The following MAML3 variants were observed in gnomAD, a reference collection of about 807,000 sequenced individuals.
MAML3 encodes mastermind like transcriptional coactivator 3.
In MAML3, 27 loss-of-function variants were observed where a neutral mutation model predicts 101.9. The observed-to-expected ratio is 0.27, with a 90% CI of 0.20 to 0.37. MAML3 has a LOEUF of 0.37. MAML3 is among the 10% of genes least tolerant of loss of function. The pLI is 1.00. For synonymous variants in MAML3, 501 were observed against 555.9 expected (o/e 0.90, Z 1.39); for missense variants, 1,316 against 1,444.9 (o/e 0.91, Z 1.45).
chr4:140,101,972 C>G (rs571965116), intron 1 of MAML3, among the ~76,000 whole-genome samples: 1 of 144,204 alleles, frequency 6.9e-6, no homozygotes, highest in South Asian at 2.3e-4. Flanking sequence ...CAAGTTAGAA[C>G]CAGAAGAAGT....
chr4:140,127,187 C>T (rs956966110), intron 1 of MAML3, among the ~76,000 whole-genome samples: 2 of 152,216 alleles, frequency 1.3e-5, no homozygotes, highest in African/African-American at 2.4e-5. Flanking sequence ...CACCACTTTA[C>T]GTCCTGAGCT....
intron 1 of MAML3, among the ~76,000 whole-genome samples, chr4:139,940,647 C>T (rs1287728124): frequency 6.6e-6 from 1 of 152,166 alleles, no homozygotes; most frequent in Non-Finnish European, 1.5e-5. Context: ...CGAATGAGCC[C>T]CGATACTCAT....
chr4:139,723,969 G>A (rs1225661526), intron 4 of MAML3, among the ~76,000 whole-genome samples: 3 of 152,276 alleles, frequency 2.0e-5, no homozygotes, highest in East Asian at 3.9e-4. Flanking sequence ...TAAAGTTTGA[G>A]AACTACAGAT....
rs532431138 is a variant in MAML3 at position 139,921,546 on chromosome 4, C to T, written c.469-30579G>A. Among the ~76,000 whole-genome samples the T allele has an allele frequency of 5.3e-5, 8 of 152,156 alleles. No homozygotes were observed. The East Asian group carries it at 7.7e-4, about 15-fold the overall frequency. On this transcript the variant is annotated intron_variant, in intron 1 of 4. Coordinates refer to ENST00000509479, the MANE Select transcript of MAML3 (RefSeq NM_018717.5). ...CTTCCTCTGGCACTGCCAACGTTAA[C>T]GCCGATCTGTGGGGAGACTGCAATT...
chr4:139,930,371 T>A (rs1429923220), intron 1 of MAML3, among the ~76,000 whole-genome samples: 1 of 152,132 alleles, frequency 6.6e-6, no homozygotes, highest in African/African-American at 2.4e-5. Context: ...GACCGTTCGC[T>A]GGGCTTCACT....
Position 139,977,664 on chromosome 4 carries a change from T to G in MAML3, c.469-86697A>C, listed in dbSNP as rs188670238. 4.5e-3 allele frequency among the ~76,000 whole-genome samples: 688 copies of G among 152,042 alleles called. 5 individuals carry two copies. The highest frequency in any genetic ancestry group is 0.017 in the Middle Eastern group (5 of 294). ...GAGGCGGTTGGATCACCTGAGGTCA[T>G]GAGTTCGAGACCAGCCCAGCCAACA... On this transcript the variant is annotated intron_variant, in intron 1 of 4. Transcript: ENST00000509479.
At chr4:139,720,624 C>A (rs977794247) in intron 4 of MAML3, among the ~76,000 whole-genome samples, 2 of 152,150 alleles carry the variant, frequency 1.3e-5, no homozygotes, top group African/African-American at 4.8e-5. Context: ...AAATTGGGAT[C>A]GTACTGTGCA....
intron 1 of MAML3, among the ~76,000 whole-genome samples, chr4:139,981,831 C>T (rs1040505418): frequency 6.6e-6 from 1 of 152,052 alleles, no homozygotes; most frequent in Non-Finnish European, 1.5e-5. Flanking sequence ...TGACTAGACC[C>T]GTGTTATAGA....
In MAML3 at chr4:139,921,846, G is replaced by C. The variant is rs987781343; in HGVS notation, c.469-30879C>G. ...GCTTGTTTAAACACTGGAGCTGTTTGCATTGCTGCGGCTCACTGCATGTTA... is the reference window on the plus strand; with the variant it reads ...GCTTGTTTAAACACTGGAGCTGTTTCCATTGCTGCGGCTCACTGCATGTTA... On this transcript the variant is annotated intron_variant, in intron 1 of 4. Coordinates refer to ENST00000509479, the MANE Select transcript of MAML3 (RefSeq NM_018717.5). Among the ~76,000 whole-genome samples, 7 of 152,200 alleles carry C rather than the reference G, an allele frequency of 4.6e-5. No individual in the cohort carries two copies. The East Asian group carries it at 1.3e-3, about 29-fold the overall frequency.
At chr4:139,799,295 G>T (rs1282780664) in intron 2 of MAML3, among the ~76,000 whole-genome samples, 2 of 152,152 alleles carry the variant, frequency 1.3e-5, no homozygotes, top group African/African-American at 4.8e-5. Context: ...ATTTGTTTGG[G>T]ATCAACCGTC....
intron 2 of MAML3, among the ~76,000 whole-genome samples, chr4:139,859,295 C>CA (rs1560816243): frequency 6.6e-6 from 1 of 150,492 alleles, no homozygotes; most frequent in African/African-American, 2.5e-5. Context: ...GGCATGATCA[C>CA]GGCTCACTGC....
chr4:139,977,751 T>A (rs1404977784), intron 1 of MAML3, among the ~76,000 whole-genome samples: 1 of 151,996 alleles, frequency 6.6e-6, no homozygotes, highest in Non-Finnish European at 1.5e-5. Flanking sequence ...CATGTGCCTG[T>A]AATCCAAGCT....
chr4:140,003,998 T>C lies in MAML3; in HGVS notation c.469-113031A>G, dbSNP rs141677718. On this transcript the variant is annotated intron_variant, in intron 1 of 4. Transcript: ENST00000509479. ...CAAGAGAATCACTTAGAAAGCATTGTAAGCTATAGGCAATGGGAAGAAAAG... is the reference window on the plus strand; with the variant it reads ...CAAGAGAATCACTTAGAAAGCATTGCAAGCTATAGGCAATGGGAAGAAAAG... 6.5e-3 allele frequency among the ~76,000 whole-genome samples: 995 copies of C among 152,364 alleles called. 13 individuals carry two copies. Among genetic ancestry groups the C allele is most frequent in the African/African-American group, 0.023 (948 of 41,572 alleles).
At chr4:140,054,827 C>A (rs1369977284) in intron 1 of MAML3, among the ~76,000 whole-genome samples, 1 of 152,200 alleles carries the variant, frequency 6.6e-6, no homozygotes, top group Non-Finnish European at 1.5e-5. Context: ...CTGTCTTCCA[C>A]AAATACTGGA....
chr4:140,049,672 C>CTT (rs34353980), intron 1 of MAML3, among the ~76,000 whole-genome samples: 21 of 150,334 alleles, frequency 1.4e-4, no homozygotes, highest in Middle Eastern at 3.4e-3. Context: ...TGTTGCCTTC[C>CTT]TTTTTTTTTA....
In MAML3 at chr4:139,852,403, G is replaced by GTTTTTTTTTTTTTTTTTGTT. The variant is rs1731573441; in HGVS notation, c.2079+36953_2079+36954insAACAAAAAAAAAAAAAAAAA. Among the ~76,000 whole-genome samples, 7 of 68,322 alleles carry GTTTTTTTTTTTTTTTTTGTT rather than the reference G, an allele frequency of 1.0e-4. 1 individual carries two copies. The highest frequency in any genetic ancestry group is 4.7e-4 in the African/African-American group (7 of 15,030). The allele number at this position is 68,322 out of a possible 152,430, so 44.8% of individuals were successfully genotyped here. On this transcript the variant is annotated intron_variant, in intron 2 of 4. Transcript: ENST00000509479. Reference sequence around the variant, plus strand: ...AAAGCTCACCAAAATTCAGAAGACTGTTTTTTTTTTTTTTTTTTTTTTTTT... The same window carrying GTTTTTTTTTTTTTTTTTGTT: ...AAAGCTCACCAAAATTCAGAAGACTGTTTTTTTTTTTTTTTTTGTTTTTTTTTTTTTTTTTTTTTTTTTTT...
rs555389890 is a variant in MAML3, at chr4:139,803,307, A to G, written c.2080-72640T>C. Among the ~76,000 whole-genome samples the G allele has an allele frequency of 2.0e-5, 3 of 152,354 alleles. No individual in the cohort carries two copies. The East Asian group carries it at 5.8e-4, about 29-fold the overall frequency. ...AATGAAATGCAGTGCTGCTGGATAGAAGATTTAAAAGAATTTTTTAAAATC... is the reference window on the plus strand; with the variant it reads ...AATGAAATGCAGTGCTGCTGGATAGGAGATTTAAAAGAATTTTTTAAAATC... On this transcript the variant is annotated intron_variant, in intron 2 of 4. Transcript: ENST00000509479.
intron 1 of MAML3, among the ~76,000 whole-genome samples, chr4:140,069,381 AAGAAGGAGGAGG>A (rs1312131500): frequency 2.1e-4 from 21 of 99,616 alleles, no homozygotes; most frequent in Non-Finnish European, 3.6e-4. Flanking sequence ...GAAGAAGAAG[AAGAAGGAGGAGG>A]AGGAGGAGGA....
intron 1 of MAML3, among the ~76,000 whole-genome samples, chr4:140,090,185 G>T (rs928254477): frequency 6.6e-6 from 1 of 152,154 alleles, no homozygotes; most frequent in Non-Finnish European, 1.5e-5. Flanking sequence ...TTACGGTGGT[G>T]GTGGTGTTAA....
Sources: gnomAD v4.1 joint callset for allele counts (sites outside exome capture counted in the v4.1 genomes callset) on GRCh38, gnomAD v4.1.1 for gene constraint, MANE v1.5 for transcripts, NCBI Gene and HGNC (gene_info 2026-07-23, HGNC 2026-07-21) for gene names.